ABHD2: variants seen among roughly 807,000 people sequenced by gnomAD.
The protein encoded by ABHD2 is monoacylglycerol lipase ABHD2.
In ABHD2, 20 loss-of-function variants were observed where a neutral mutation model predicts 48.1. The ratio of observed to expected loss-of-function variants is 0.42; its 90% confidence interval spans 0.29 to 0.60. The LOEUF is 0.60. ABHD2 is among the 20% of genes least tolerant of loss of function. ABHD2 has a pLI of 0.24. For missense variants in ABHD2, 405 were observed against 550.9 expected, an observed-to-expected ratio of 0.74 and a Z score of 2.65; for synonymous variants, 209 against 214.2, an observed-to-expected ratio of 0.98 and a Z score of 0.21.
the ABHD2 span, among the ~76,000 whole-genome samples, chr15:89,081,354 T>C: frequency 6.6e-6 from 1 of 152,000 alleles, no homozygotes; most frequent in African/African-American, 2.4e-5. Flanking sequence ...AGTATTCCAT[T>C]ACTTGTACTT....
At chr15:89,193,193 T>C in intron 9 of ABHD2, 42 bp from the exon 10 acceptor site, 2 of 1,587,906 alleles carry the variant, frequency 1.3e-6, no homozygotes, top group African/African-American at 2.7e-5. Context: ...GGTCTGAAAA[T>C]GGGAATCAGT....
intron 6 of ABHD2, among the ~76,000 whole-genome samples, chr15:89,180,957 G>A (rs1475873126): frequency 1.3e-5 from 2 of 152,148 alleles, no homozygotes; most frequent in Non-Finnish European, 2.9e-5. Context: ...GCCGGGTGCG[G>A]TGGCTCACGC....
At chr15:89,095,165 C>T (rs571132785) in intron 1 of ABHD2, among the ~76,000 whole-genome samples, 2 of 150,966 alleles carry the variant, frequency 1.3e-5, no homozygotes, top group South Asian at 2.1e-4. Context: ...ATTTAGCTTA[C>T]TAAAAAGGTT....
chr15:89,041,218 G>A, the ABHD2 span: 1 of 152,212 alleles, frequency 6.6e-6, no homozygotes, highest in East Asian at 1.9e-4. Context: ...AGCCTCGGTG[G>A]AGCAGCCTCA....
intron 9 of ABHD2, among the ~76,000 whole-genome samples, chr15:89,192,812 G>A (rs903415661): frequency 6.6e-6 from 1 of 152,188 alleles, no homozygotes; most frequent in African/African-American, 2.4e-5. Context: ...GCCTCCCAAA[G>A]TGCTGGGATT....
chr15:89,063,608 TATAC>T, the ABHD2 span, among the ~76,000 whole-genome samples: 4 of 152,014 alleles, frequency 2.6e-5, no homozygotes, highest in Admixed American at 6.6e-5. Flanking sequence ...GTATTCATAC[TATAC>T]ATACAGTTTT....
chr15:89,192,069 A>G (rs1208491582), intron 9 of ABHD2, among the ~76,000 whole-genome samples: 3 of 152,228 alleles, frequency 2.0e-5, no homozygotes, highest in African/African-American at 7.2e-5. Context: ...AGTCCCTCTC[A>G]TTCTGTCTTT....
chr15:89,152,591 A>G (rs1356894031), intron 4 of ABHD2, among the ~76,000 whole-genome samples: 1 of 152,158 alleles, frequency 6.6e-6, no homozygotes, highest in Non-Finnish European at 1.5e-5. Context: ...TTTACTGATG[A>G]GGAAACTGAA....
At chr15:89,183,629 T>C (rs961220340) in intron 6 of ABHD2, among the ~76,000 whole-genome samples, 1 of 151,796 alleles carries the variant, frequency 6.6e-6, no homozygotes, top group Non-Finnish European at 1.5e-5. Flanking sequence ...CCTGGGTCCC[T>C]GTGAATCCCT....
chr15:89,059,753 A>C, the ABHD2 span, among the ~76,000 whole-genome samples: 1 of 152,158 alleles, frequency 6.6e-6, no homozygotes, highest in African/African-American at 2.4e-5. Flanking sequence ...GGAATCTGCC[A>C]CCAAGGAAGT....
At chr15:89,139,724 C>G (rs2050372844) in intron 3 of ABHD2, among the ~76,000 whole-genome samples, 1 of 152,008 alleles carries the variant, frequency 6.6e-6, no homozygotes. Context: ...TCTCAGTGGA[C>G]AAATATTTTT....
chr15:89,051,395 A>G, the ABHD2 span, among the ~76,000 whole-genome samples: 2 of 152,262 alleles, frequency 1.3e-5, no homozygotes, highest in South Asian at 4.1e-4. Context: ...GAGGGTGAAG[A>G]CTCTCATGCA....
At chr15:89,061,491 G>T in the ABHD2 span, among the ~76,000 whole-genome samples, 31,281 of 151,932 alleles carry the variant, frequency 0.21, 3,975 homozygotes, top group East Asian at 0.35. Context: ...TTCAATAGAA[G>T]CTCAAACTCC....
At position 89,100,762 on chromosome 15, in the gene ABHD2, G is replaced by A. The variant is rs766762968; in HGVS notation, c.-107+12199G>A. 1.3e-5 allele frequency among the ~76,000 whole-genome samples: 2 copies of A among 152,034 alleles called. No individual in the cohort carries two copies. The highest frequency in any genetic ancestry group is 1.9e-4 in the East Asian group (1 of 5,180). On this transcript the variant is annotated intron_variant, in intron 1 of 10. Coordinates refer to ENST00000352732, the MANE Select transcript of ABHD2 (RefSeq NM_152924.5). This position sits in a 1 kb window ranked among gnomAD's most constrained non-coding sequence, Gnocchi z 4.4. ...CGGGCACCTGTAATACCAGCTACTC[G>A]GGAGGCTGAGGCAGGAGAATTGCTG...
At position 89,188,330 on chromosome 15, in the gene ABHD2, C is replaced by T. The variant is rs746310569; in HGVS notation, c.926+27C>T. ...TGTGTCCGCGCAGGCGGGAGAGGGA[C>T]GCTCTGGGGCAGGGTGCCAGGCAGG... On this transcript the variant is annotated intron_variant, in intron 8 of 10. Transcript: ENST00000352732. This position sits in a 1 kb window ranked among gnomAD's most constrained non-coding sequence, Gnocchi z 4.1. 24 of 1,604,170 alleles carry T rather than the reference C, an allele frequency of 1.5e-5. No homozygotes were observed. Among genetic ancestry groups the T allele is most frequent in the South Asian group, 1.2e-4 (11 of 90,828 alleles).
chr15:89,071,469 GGA>G, the ABHD2 span, among the ~76,000 whole-genome samples: 22 of 152,162 alleles, frequency 1.4e-4, no homozygotes, highest in Non-Finnish European at 2.9e-4. Context: ...TACATACAGG[GGA>G]GAGTCTCCAG....
chr15:89,063,997 A>G, the ABHD2 span, among the ~76,000 whole-genome samples: 1 of 151,940 alleles, frequency 6.6e-6, no homozygotes, highest in African/African-American at 2.4e-5. Context: ...CCTGCATTAA[A>G]TAAGAACCCC....
At chr15:89,070,873 G>A in the ABHD2 span, among the ~76,000 whole-genome samples, 1 of 152,078 alleles carries the variant, frequency 6.6e-6, no homozygotes, top group Admixed American at 6.6e-5. Context: ...CTGGAGGAAG[G>A]GGGTTCCTCA....
At chr15:89,090,768 T>C (rs1230259201) in intron 1 of ABHD2, among the ~76,000 whole-genome samples, 1 of 152,158 alleles carries the variant, frequency 6.6e-6, no homozygotes, top group Non-Finnish European at 1.5e-5. Context: ...TTCCCTCTCT[T>C]CAGCCCTCCT....
Sources: allele counts gnomAD v4.1 joint callset (sites outside exome capture counted in the v4.1 genomes callset), GRCh38; gene constraint gnomAD v4.1.1; non-coding constraint Gnocchi (gnomAD v3.1); transcripts MANE v1.5; gene names NCBI Gene and HGNC (gene_info 2026-07-23, HGNC 2026-07-21).